The following PKHD1 variants were observed in gnomAD, a reference collection of about 807,000 sequenced individuals.
The protein encoded by PKHD1 is PKHD1 ciliary IPT domain containing fibrocystin/polyductin, also known as fibrocystin.
In PKHD1, 291 loss-of-function variants were observed where a neutral mutation model predicts 412.0. That is an observed-to-expected ratio of 0.71 (90% confidence interval 0.64 to 0.78). The LOEUF (loss-of-function observed/expected upper bound fraction) is 0.78, where lower values mean the gene tolerates loss of function less well. Ranked by LOEUF, PKHD1 falls within the 30% of genes least tolerant of loss-of-function variation. PKHD1 has a pLI of 0.00. For synonymous variants in PKHD1, 1,777 were observed against 1,821.5 expected (o/e 0.98, Z 0.62); for missense variants, 4,825 against 4,950.7 (o/e 0.97, Z 0.76).
chr6:51,645,674 C>T (rs1222680338), intron 63 of PKHD1, among the ~76,000 whole-genome samples: 4 of 152,240 alleles, frequency 2.6e-5, no homozygotes, highest in Admixed American at 6.5e-5. Context: ...ATTACAGGCA[C>T]GAACCGCCGT....
chr6:51,823,885 A>G (rs1456753720), intron 52 of PKHD1, among the ~76,000 whole-genome samples: 1 of 152,150 alleles, frequency 6.6e-6, no homozygotes, highest in East Asian at 1.9e-4. Context: ...CATTGCAACT[A>G]GAAGGAACTC....
chr6:52,006,982 G>A (rs1007436383), intron 35 of PKHD1, among the ~76,000 whole-genome samples: 4 of 152,042 alleles, frequency 2.6e-5, no homozygotes, highest in East Asian at 1.9e-4. Context: ...TAGAATAATC[G>A]TCTCCAGTTC....
At chr6:51,931,857 A>C (rs1269647552) in intron 37 of PKHD1, among the ~76,000 whole-genome samples, 1 of 150,244 alleles carries the variant, frequency 6.7e-6, no homozygotes, top group Non-Finnish European at 1.5e-5. Flanking sequence ...AGAATAAAGG[A>C]GAGGGAGGGA....
At chr6:51,887,971 T>C (rs1778478568) in intron 43 of PKHD1, among the ~76,000 whole-genome samples, 1 of 152,226 alleles carries the variant, frequency 6.6e-6, no homozygotes, top group African/African-American at 2.4e-5. Flanking sequence ...TCATGACATC[T>C]AAAATTCTCC....
At chr6:51,945,967 C>T (rs922742265) in intron 36 of PKHD1, among the ~76,000 whole-genome samples, 1 of 152,160 alleles carries the variant, frequency 6.6e-6, no homozygotes, top group Non-Finnish European at 1.5e-5. Flanking sequence ...TTGCCTATGG[C>T]TTGTTTATAC....
Position 51,617,588 on chromosome 6 carries a change from A to G in PKHD1, c.*1493T>C, listed in dbSNP as rs1766175566. The G allele has an allele frequency of 6.6e-6, 1 of 152,118 alleles. No homozygotes were observed. The highest frequency in any genetic ancestry group is 2.4e-5 in the African/African-American group (1 of 41,414). 9.4% of individuals were successfully genotyped at this position (152,118 alleles called of 1,614,324 possible). A position where few individuals can be genotyped will look rare whatever the true frequency, so the allele number is the denominator to read the frequency against. ...TAACATCTACTTATATTTTCTTCCA[A>G]ATCCAACACAGTGACCACAGAGAAG... On this transcript the variant is annotated 3_prime_UTR_variant, in exon 67 of 67. Coordinates refer to ENST00000371117, the MANE Select transcript of PKHD1 (RefSeq NM_138694.4).
At chr6:52,045,531 A>G (rs1248705938) in intron 24 of PKHD1, among the ~76,000 whole-genome samples, 1 of 152,238 alleles carries the variant, frequency 6.6e-6, no homozygotes, top group Admixed American at 6.5e-5. Flanking sequence ...AAAAATTTTC[A>G]TCTTGGGCTT....
In PKHD1 at chr6:51,721,700, G is replaced by A. The variant is rs974733263; in HGVS notation, c.10156+22685C>T. ...GAACTTCCATTCCCAAAGATATCCT[G>A]ACTACGGACAATGGTGTCACTGTTG... On this transcript the variant is annotated intron_variant, in intron 60 of 66. Transcript: ENST00000371117. 3.9e-6 allele frequency: 5 copies of A among 1,288,000 alleles called. No individual in the cohort carries two copies. The African/African-American group carries it at 7.6e-5, about 20-fold the overall frequency. The allele number at this position is 1,288,000 out of a possible 1,614,324, so 79.8% of individuals were successfully genotyped here. A position where few individuals can be genotyped will look rare whatever the true frequency, so the allele number is the denominator to read the frequency against.
chr6:51,957,293 C>T (rs1791294078), intron 36 of PKHD1, among the ~76,000 whole-genome samples: 1 of 151,896 alleles, frequency 6.6e-6, no homozygotes, highest in Admixed American at 6.6e-5. Context: ...GGTGTAGTTC[C>T]TACTGGGTCA....
intron 49 of PKHD1, among the ~76,000 whole-genome samples, chr6:51,851,493 T>G (rs1164730850): frequency 6.6e-6 from 1 of 152,230 alleles, no homozygotes; most frequent in Non-Finnish European, 1.5e-5. Context: ...TCTTTGTACC[T>G]CTGGTAGAAT....
At chr6:51,897,984 C>A (rs1201988787) in intron 43 of PKHD1, among the ~76,000 whole-genome samples, 2 of 151,696 alleles carry the variant, frequency 1.3e-5, no homozygotes, top group Admixed American at 1.3e-4. Flanking sequence ...TATATATGCA[C>A]CCAATACAGG....
chr6:51,872,721 T>C (rs778487401), intron 46 of PKHD1, among the ~76,000 whole-genome samples: 2 of 152,102 alleles, frequency 1.3e-5, no homozygotes, highest in South Asian at 2.1e-4. Context: ...CTTAAAACTA[T>C]TCAGCCTCAA....
At chr6:51,629,144 A>G (rs2150288743) in intron 65 of PKHD1, among the ~76,000 whole-genome samples, 1 of 152,292 alleles carries the variant, frequency 6.6e-6, no homozygotes, top group African/African-American at 2.4e-5. Flanking sequence ...CAATCTGGAC[A>G]TAGGCCTTGG....
chr6:51,984,291 A>G (rs187593747), intron 35 of PKHD1, among the ~76,000 whole-genome samples: 2 of 152,256 alleles, frequency 1.3e-5, no homozygotes, highest in African/African-American at 2.4e-5. Flanking sequence ...TCATTGAATG[A>G]AAGTGAATTC....
chr6:51,616,693 G>C lies in PKHD1; in HGVS notation c.*2388C>G, dbSNP rs996050171. ...TCAATTCTGGCCTCAGGGATCACAG[G>C]CTTTTCTGGGATGGAATTAGTAAGA... On this transcript the variant is annotated 3_prime_UTR_variant, in exon 67 of 67. Transcript: ENST00000371117. 2.5e-6 allele frequency: 1 copy of C among 398,300 alleles called. No homozygotes were observed. The highest frequency in any genetic ancestry group is 2.1e-5 in the African/African-American group (1 of 48,616). 24.7% of individuals were successfully genotyped at this position (398,300 alleles called of 1,614,324 possible).
Position 51,638,348 on chromosome 6 carries a change from G to A in PKHD1, c.11506+501C>T, listed in dbSNP as rs958064064. On this transcript the variant is annotated intron_variant, in intron 64 of 66. Transcript: ENST00000371117. ...TTTTCATGAGAGTCACATTTAATACGCCAGAGGGTGTTTTTTTTACATGTT... is the reference window on the plus strand; with the variant it reads ...TTTTCATGAGAGTCACATTTAATACACCAGAGGGTGTTTTTTTTACATGTT... Among the ~76,000 whole-genome samples, 13 of 151,966 alleles carry A rather than the reference G, an allele frequency of 8.6e-5. 1 individual carries two copies. Among genetic ancestry groups the A allele is most frequent in the Admixed American group, 2.0e-4 (3 of 15,252 alleles).
intron 46 of PKHD1, among the ~76,000 whole-genome samples, chr6:51,871,433 A>C (rs146599739): frequency 8.4e-6 from 1 of 118,756 alleles, no homozygotes; most frequent in East Asian, 2.0e-4. Context: ...AAAAGGTTAC[A>C]TACTATATGA....
At chr6:51,837,861 G>A (rs1422935625) in intron 50 of PKHD1, among the ~76,000 whole-genome samples, 1 of 152,070 alleles carries the variant, frequency 6.6e-6, no homozygotes, top group Non-Finnish European at 1.5e-5. Context: ...AGGATGTAAA[G>A]CATGAGTTTG....
At chr6:51,885,813 G>T in intron 45 of PKHD1, 54 bp downstream of exon 45, 1 of 1,136,940 alleles carries the variant, frequency 8.8e-7, no homozygotes, top group Non-Finnish European at 1.3e-6. Flanking sequence ...GAAAACAAGT[G>T]ACAGTTTTAA....
Sources: allele counts gnomAD v4.1 joint callset (sites outside exome capture counted in the v4.1 genomes callset), GRCh38; gene constraint gnomAD v4.1.1; transcripts MANE v1.5; gene names NCBI Gene and HGNC (gene_info 2026-07-23, HGNC 2026-07-21).